KAZN: variants seen among roughly 807,000 people sequenced by gnomAD.
KAZN encodes the protein kazrin, periplakin interacting protein.
A neutral mutation model predicts 87.4 loss-of-function variants in KAZN; 40 were observed. The observed-to-expected ratio is 0.46, with a 90% CI of 0.36 to 0.60. KAZN has a LOEUF of 0.60. Ranked by LOEUF, KAZN falls within the 20% of genes least tolerant of loss-of-function variation. The probability of loss-of-function intolerance (pLI) is 0.00; values close to 1 mark genes in which losing one functional copy is unlikely to be tolerated. For missense variants in KAZN, 898 were observed against 1,073.9 expected, an observed-to-expected ratio of 0.84 and a Z score of 2.29; for synonymous variants, 466 against 458.3, an observed-to-expected ratio of 1.02 and a Z score of -0.22.
At position 13,941,207 on chromosome 1, in the gene KAZN, A is replaced by ACAG. The variant is rs1423229548; in HGVS notation, c.91+47453_91+47454insGCA. ...TCCATCTAAAACAACAACAACAACA[A>ACAG]CAAAAAAAAAACAATAAAAAGGAGT... On this transcript the variant is annotated intron_variant, in intron 1 of 16. Coordinates refer to the KAZN transcript ENST00000636203. 3.3e-5 allele frequency among the ~76,000 whole-genome samples: 5 copies of ACAG among 152,110 alleles called. No individual in the cohort carries two copies. The East Asian group carries it at 9.7e-4, about 29-fold the overall frequency.
intron 1 of KAZN, among the ~76,000 whole-genome samples, chr1:13,968,066 T>C (rs1472114189): frequency 6.6e-6 from 1 of 152,118 alleles, no homozygotes. Flanking sequence ...TTCTCACTGA[T>C]TTCTTGAGGG....
intron 1 of KAZN, among the ~76,000 whole-genome samples, chr1:14,022,772 A>G (rs7529368): frequency 0.25 from 37,248 of 151,986 alleles, 6,132 homozygotes; most frequent in African/African-American, 0.46. Flanking sequence ...TAAACAGTTA[A>G]TGACAGAGTA....
intron 1 of KAZN, among the ~76,000 whole-genome samples, chr1:14,046,757 AG>A (rs1211190507): frequency 6.6e-6 from 1 of 152,204 alleles, no homozygotes; most frequent in African/African-American, 2.4e-5. Flanking sequence ...GGTTATGATC[AG>A]GGTCCAGGGA....
chr1:14,917,313 GGGA>G (rs1355664275), intron 1 of KAZN, among the ~76,000 whole-genome samples: 2 of 152,180 alleles, frequency 1.3e-5, no homozygotes, highest in Non-Finnish European at 2.9e-5. Flanking sequence ...GGATGGCCGA[GGGA>G]AGAAGAGGAG....
chr1:13,968,618 A>G (rs1389619800), intron 1 of KAZN, among the ~76,000 whole-genome samples: 1 of 152,086 alleles, frequency 6.6e-6, no homozygotes, highest in Non-Finnish European at 1.5e-5. Context: ...GCTAACAAGG[A>G]CCTTTGTTTT....
chr1:14,898,624 G>A (rs1343754917), intron 1 of KAZN, among the ~76,000 whole-genome samples: 2 of 152,108 alleles, frequency 1.3e-5, no homozygotes, highest in African/African-American at 4.8e-5. Flanking sequence ...GCCCTCGCTT[G>A]TACACACACA....
chr1:14,353,057 CCTT>C (rs1474562689), intron 2 of KAZN, among the ~76,000 whole-genome samples: 2 of 152,096 alleles, frequency 1.3e-5, no homozygotes, highest in Non-Finnish European at 2.9e-5. Flanking sequence ...AATCGTGACT[CCTT>C]ATGTTGAAAT....
intron 2 of KAZN, among the ~76,000 whole-genome samples, chr1:15,023,628 G>A (rs549217669): frequency 6.6e-6 from 1 of 152,292 alleles, no homozygotes; most frequent in South Asian, 2.1e-4. Flanking sequence ...CCCTTGATGG[G>A]GACAGGAGTT....
At chr1:14,493,681 A>G (rs1319253280) in intron 2 of KAZN, among the ~76,000 whole-genome samples, 1 of 152,178 alleles carries the variant, frequency 6.6e-6, no homozygotes, top group Non-Finnish European at 1.5e-5. Flanking sequence ...TGCTCCCTAC[A>G]TCTTCTCCAA....
intron 2 of KAZN, among the ~76,000 whole-genome samples, chr1:14,497,975 C>T (rs1218367185): frequency 6.6e-6 from 1 of 152,210 alleles, no homozygotes; most frequent in East Asian, 1.9e-4. Context: ...AAAACTCAAG[C>T]TTTGCAGCCT....
intron 2 of KAZN, among the ~76,000 whole-genome samples, chr1:14,283,352 T>C (rs1161474889): frequency 6.6e-6 from 1 of 152,136 alleles, no homozygotes; most frequent in African/African-American, 2.4e-5. Flanking sequence ...TTTCTAGGGT[T>C]ACTCCAAAAG....
intron 1 of KAZN, among the ~76,000 whole-genome samples, chr1:14,023,474 G>T (rs922167141): frequency 2.0e-5 from 3 of 152,146 alleles, no homozygotes; most frequent in Non-Finnish European, 2.9e-5. Context: ...ATGAGGAAAT[G>T]CATCTCTCAC....
At chr1:14,737,512 G>C (rs1433941510) in intron 1 of KAZN, among the ~76,000 whole-genome samples, 8 of 152,204 alleles carry the variant, frequency 5.3e-5, no homozygotes, top group Admixed American at 1.3e-4. Flanking sequence ...TTGTGCATCT[G>C]TTATCAACTG....
At position 14,309,756 on chromosome 1, in the gene KAZN, G is replaced by A. The variant is rs567753063; in HGVS notation, c.249+129164G>A. ...TAACTTTCTTAAAAAAAATTGTGTA[G>A]AGATGGGGTTTTTCTATGTTCCCCA... On this transcript the variant is annotated intron_variant, in intron 2 of 16. Coordinates refer to the KAZN transcript ENST00000636203. Among the ~76,000 whole-genome samples, 258 of 152,128 alleles carry A rather than the reference G, an allele frequency of 1.7e-3. 1 individual carries two copies. Among genetic ancestry groups the A allele is most frequent in the Admixed American group, 3.0e-3 (46 of 15,278 alleles).
At chr1:14,677,185 C>T (rs1357205590) in intron 1 of KAZN, among the ~76,000 whole-genome samples, 1 of 152,164 alleles carries the variant, frequency 6.6e-6, no homozygotes, top group Non-Finnish European at 1.5e-5. Flanking sequence ...GGCCCATGAT[C>T]AAGGTTACAG....
chr1:14,736,169 A>G (rs1401032514), intron 1 of KAZN, among the ~76,000 whole-genome samples: 1 of 151,608 alleles, frequency 6.6e-6, no homozygotes, highest in Non-Finnish European at 1.5e-5. Context: ...TCAAACTTCC[A>G]TGTGGCTAAA....
chr1:15,095,841 A>C (rs574839148), intron 10 of KAZN, among the ~76,000 whole-genome samples: 11 of 152,084 alleles, frequency 7.2e-5, no homozygotes, highest in Non-Finnish European at 1.6e-4. Flanking sequence ...AACCAAATCC[A>C]TATGTGTGCA....
At chr1:14,952,869 G>A (rs1662663973) in intron 1 of KAZN, among the ~76,000 whole-genome samples, 2 of 152,208 alleles carry the variant, frequency 1.3e-5, no homozygotes, top group African/African-American at 2.4e-5. Context: ...CCCTCATGTA[G>A]AACCTTCCGG....
At position 14,387,523 on chromosome 1, in the gene KAZN, C is replaced by T. The variant is rs577498911; in HGVS notation, c.249+206931C>T. On this transcript the variant is annotated intron_variant, in intron 2 of 16. Transcript: ENST00000636203. The stretch of plus-strand genomic sequence containing the variant: ...ATGTCCTTTCTGTTTGTTAGTTTTC[C>T]TTCTAACAGACAGGACCCTCAGCTG... Among the ~76,000 whole-genome samples, 431 of 152,104 alleles carry T rather than the reference C, an allele frequency of 2.8e-3. 1 individual carries two copies. Among genetic ancestry groups the T allele is most frequent in the African/African-American group, 9.4e-3 (390 of 41,478 alleles).
Sources: allele counts gnomAD v4.1 joint callset (sites outside exome capture counted in the v4.1 genomes callset), GRCh38; gene constraint gnomAD v4.1.1; transcripts MANE v1.5; gene names NCBI Gene and HGNC (gene_info 2026-07-23, HGNC 2026-07-21).